Variants in DLGAP2 observed in about 807,000 individuals in gnomAD.
DLGAP2 encodes DLG associated protein 2, also known as disks large-associated protein 2.
Under a neutral mutation model 100.3 loss-of-function variants are expected in DLGAP2, and 26 were observed. The observed-to-expected ratio is 0.26, with a 90% CI of 0.19 to 0.36. DLGAP2 has a LOEUF of 0.36. Among genes scored for constraint, DLGAP2 ranks in the 10% least tolerant of loss-of-function variants. The probability of loss-of-function intolerance (pLI) is 1.00; values close to 1 mark genes in which losing one functional copy is unlikely to be tolerated. For synonymous variants in DLGAP2, 886 were observed against 630.1 expected, an observed-to-expected ratio of 1.41 and a Z score of -6.08; for missense variants, 1,858 against 1,453.2, an observed-to-expected ratio of 1.28 and a Z score of -4.53.
intron 1 of DLGAP2, among the ~76,000 whole-genome samples, chr8:795,085 G>A (rs996954541): frequency 6.6e-6 from 1 of 152,100 alleles, no homozygotes; most frequent in Non-Finnish European, 1.5e-5. Context: ...TTAGATACCT[G>A]ACTGCATTTT....
intron 6 of DLGAP2, among the ~76,000 whole-genome samples, chr8:1,613,324 T>A (rs1250202897): frequency 6.7e-6 from 1 of 148,220 alleles, no homozygotes; most frequent in African/African-American, 2.5e-5. Context: ...TTCTCACTCA[T>A]AGGTGGGAAC....
intron 1 of DLGAP2, among the ~76,000 whole-genome samples, chr8:798,913 C>T (rs1796091791): frequency 6.6e-6 from 1 of 152,274 alleles, no homozygotes; most frequent in Non-Finnish European, 1.5e-5. Context: ...CTTCCGTTGG[C>T]ACTGAAAGTA....
At chr8:1,255,160 GGGTGCTGTGTGTGT>G (rs1799164374) in intron 2 of DLGAP2, among the ~76,000 whole-genome samples, 2 of 107,374 alleles carry the variant, frequency 1.9e-5, no homozygotes, top group African/African-American at 8.2e-5. Flanking sequence ...TCTCCTGCCC[GGGTGCTGTGTGTGT>G]GCCCTCTCAT....
At chr8:1,321,062 C>T (rs1328473946) in intron 3 of DLGAP2, among the ~76,000 whole-genome samples, 1 of 149,792 alleles carries the variant, frequency 6.7e-6, no homozygotes, top group East Asian at 2.0e-4. Context: ...TCTAAGTGTG[C>T]ACATGCATCT....
intron 3 of DLGAP2, among the ~76,000 whole-genome samples, chr8:1,317,667 G>C (rs1252723714): frequency 1.3e-3 from 112 of 89,072 alleles, no homozygotes; most frequent in East Asian, 1.5e-3. Flanking sequence ...AAAATAGAGC[G>C]TGTGCGAGTG....
intron 1 of DLGAP2, among the ~76,000 whole-genome samples, chr8:781,309 A>C (rs144444829): frequency 5.6e-4 from 86 of 152,268 alleles, no homozygotes; most frequent in African/African-American, 1.9e-3. Flanking sequence ...AAATGACGTT[A>C]AGTTTTTTCT....
chr8:1,507,673 G>A (rs1799975530), intron 4 of DLGAP2, among the ~76,000 whole-genome samples: 1 of 151,574 alleles, frequency 6.6e-6, no homozygotes, highest in Non-Finnish European at 1.5e-5. Flanking sequence ...CTCAGAAGCA[G>A]TGATGTGCTG....
intron 3 of DLGAP2, among the ~76,000 whole-genome samples, chr8:1,317,089 C>A (rs1190081987): frequency 1.6e-5 from 2 of 125,444 alleles, no homozygotes; most frequent in Admixed American, 8.3e-5. Context: ...AGACACTCGG[C>A]AGCGTTTAAA....
intron 1 of DLGAP2, among the ~76,000 whole-genome samples, chr8:784,403 A>G (rs933191563): frequency 6.6e-6 from 1 of 152,218 alleles, no homozygotes; most frequent in African/African-American, 2.4e-5. Flanking sequence ...AAGCTTAAAT[A>G]TATGTTACAG....
chr8:975,436 C>T (rs1800137901), intron 2 of DLGAP2, among the ~76,000 whole-genome samples: 1 of 152,036 alleles, frequency 6.6e-6, no homozygotes, highest in Admixed American at 6.5e-5. Flanking sequence ...CAGAAAAAGA[C>T]ATTTAAAGAA....
intron 2 of DLGAP2, among the ~76,000 whole-genome samples, chr8:949,129 G>T (rs144005210): frequency 1.1e-4 from 16 of 152,358 alleles, no homozygotes; most frequent in South Asian, 1.0e-3. Flanking sequence ...GAGAGGTTGG[G>T]TATTTAGAGA....
intron 3 of DLGAP2, among the ~76,000 whole-genome samples, chr8:1,275,884 A>AATATATAATATATAAAT (rs1563056379): frequency 1.7e-3 from 63 of 37,506 alleles, no homozygotes; most frequent in Non-Finnish European, 2.7e-3. Context: ...TATATAAATA[A>AATATATAATATATAAAT]ATATATAATA....
intron 2 of DLGAP2, among the ~76,000 whole-genome samples, chr8:963,102 C>T (rs1213687479): frequency 6.6e-6 from 1 of 152,162 alleles, no homozygotes; most frequent in Non-Finnish European, 1.5e-5. Flanking sequence ...GTGACATCAG[C>T]ATGAAAAGCA....
At chr8:1,457,231 A>G (rs1798340226) in intron 3 of DLGAP2, among the ~76,000 whole-genome samples, 3 of 152,186 alleles carry the variant, frequency 2.0e-5, no homozygotes, top group Non-Finnish European at 4.4e-5. Context: ...CATTTTTACA[A>G]GATCTAACTC....
rs1168163263 is a variant in DLGAP2, at chr8:1,088,853, C to T, written c.74-169998C>T. 5.7e-3 allele frequency among the ~76,000 whole-genome samples: 379 copies of T among 66,150 alleles called. 4 individuals carry two copies. Among genetic ancestry groups the T allele is most frequent in the Non-Finnish European group, 7.8e-3 (232 of 29,644 alleles). 43.4% of individuals were successfully genotyped at this position (66,150 alleles called of 152,430 possible). A position where few individuals can be genotyped will look rare whatever the true frequency, so the allele number is the denominator to read the frequency against. ...CTATGCCATTCTCGCTCCCCCCACCCCACTCTCTCCACCCCTCATCCAGCA... is the reference window on the plus strand; with the variant it reads ...CTATGCCATTCTCGCTCCCCCCACCTCACTCTCTCCACCCCTCATCCAGCA... On this transcript the variant is annotated intron_variant, in intron 2 of 14. Coordinates refer to ENST00000637795, the MANE Select transcript of DLGAP2 (RefSeq NM_001346810.2).
chr8:958,528 C>T (rs1312502421), intron 2 of DLGAP2, among the ~76,000 whole-genome samples: 2 of 140,966 alleles, frequency 1.4e-5, no homozygotes, highest in South Asian at 2.2e-4. Context: ...TAGTGTTTTG[C>T]AGGCATTCCA....
chr8:784,544 A>C (rs779223865), intron 1 of DLGAP2, among the ~76,000 whole-genome samples: 1 of 152,270 alleles, frequency 6.6e-6, no homozygotes, highest in African/African-American at 2.4e-5. Flanking sequence ...GGCTGGTATC[A>C]AGTTGATATG....
chr8:1,617,021 A>G (rs1797177216), intron 6 of DLGAP2, among the ~76,000 whole-genome samples: 2 of 152,210 alleles, frequency 1.3e-5, no homozygotes, highest in African/African-American at 4.8e-5. Flanking sequence ...TGCTAAGGAT[A>G]ATGGCCTCCA....
intron 2 of DLGAP2, among the ~76,000 whole-genome samples, chr8:1,039,634 CTCGGTGTGCGTGG>C (rs1322785424): frequency 1.2e-4 from 8 of 64,944 alleles, no homozygotes; most frequent in African/African-American, 3.4e-4. Context: ...GCGTGGTCAG[CTCGGTGTGCGTGG>C]TCAGCTCGGT....
Sources: allele counts gnomAD v4.1 joint callset (sites outside exome capture counted in the v4.1 genomes callset), GRCh38; gene constraint gnomAD v4.1.1; transcripts MANE v1.5; gene names NCBI Gene and HGNC (gene_info 2026-07-23, HGNC 2026-07-21).